Variants in KANSL1 observed in about 807,000 individuals in gnomAD.
KANSL1 encodes MLL1/MLL complex subunit KANSL1.
In KANSL1, 22 loss-of-function variants were observed where a neutral mutation model predicts 103.6. That is an observed-to-expected ratio of 0.21 (90% CI 0.15 to 0.30). The LOEUF is 0.30. Among genes scored for constraint, KANSL1 ranks in the 10% least tolerant of loss-of-function variants. The pLI, the probability that KANSL1 is intolerant of heterozygous loss-of-function variation, is 1.00. For synonymous variants in KANSL1, 600 were observed against 527.6 expected (o/e 1.14, Z -1.88); for missense variants, 1,337 against 1,399.8 (o/e 0.96, Z 0.72).
chr17:46,158,591 A>C (rs952341629), intron 2 of KANSL1, among the ~76,000 whole-genome samples: 17 of 152,248 alleles, frequency 1.1e-4, no homozygotes, highest in Admixed American at 5.2e-4. Context: ...CCCAGGCTGG[A>C]GTGCAGTGGA....
At chr17:46,142,465 T>G (rs1819040) in intron 2 of KANSL1, among the ~76,000 whole-genome samples, 5 of 151,388 alleles carry the variant, frequency 3.3e-5, no homozygotes, top group Admixed American at 3.3e-4. Flanking sequence ...GAAAAAAAAA[T>G]TTTTTAATAA....
intron 2 of KANSL1, among the ~76,000 whole-genome samples, chr17:46,152,216 A>G (rs2045145487): frequency 6.6e-6 from 1 of 152,262 alleles, no homozygotes; most frequent in Admixed American, 6.5e-5. Context: ...ATAATTCTGT[A>G]TCATAAAAAC....
intron 3 of KANSL1, among the ~76,000 whole-genome samples, chr17:46,089,461 T>C (rs1043111679): frequency 4.8e-5 from 7 of 145,938 alleles, no homozygotes; most frequent in Non-Finnish European, 1.1e-4. Context: ...ACAAAGTAAA[T>C]CCTTAAAAAG....
chr17:46,154,743 T>C (rs1031459887), intron 2 of KANSL1, among the ~76,000 whole-genome samples: 2 of 152,156 alleles, frequency 1.3e-5, no homozygotes, highest in African/African-American at 4.8e-5. Context: ...GACAAAGAAA[T>C]GAGAGGGTGT....
At chr17:46,092,536 T>C (rs896504218) in intron 3 of KANSL1, among the ~76,000 whole-genome samples, 1 of 152,178 alleles carries the variant, frequency 6.6e-6, no homozygotes, top group African/African-American at 2.4e-5. Flanking sequence ...ACTTAAATAG[T>C]CAACAAAGAA....
At chr17:46,217,160 A>G (rs1389781994) in intron 1 of KANSL1, among the ~76,000 whole-genome samples, 1 of 150,916 alleles carries the variant, frequency 6.6e-6, no homozygotes, top group Non-Finnish European at 1.5e-5. Context: ...AACATTCAGT[A>G]CCTCAGAATG....
chr17:46,058,737 ACACACACTCTCTCTCTCTCTCTCT>A lies in KANSL1; in HGVS notation c.1848+7776_1848+7799del, dbSNP rs1438027500. 7.7e-3 allele frequency among the ~76,000 whole-genome samples: 560 copies of A among 72,300 alleles called. 3 individuals are homozygous for A. The highest frequency in any genetic ancestry group is 0.018 in the African/African-American group (388 of 21,530). 47.4% of individuals were successfully genotyped at this position (72,300 alleles called of 152,430 possible). A position where few individuals can be genotyped will look rare whatever the true frequency, so the allele number is the denominator to read the frequency against. The stretch of plus-strand genomic sequence containing the variant: ...CACACACACACACACACACACACAC[ACACACACTCTCTCTCTCTCTCTCT>A]CTCTCTCTCTCTCTCTCTCTCTCTC... On this transcript the variant is annotated intron_variant, in intron 6 of 14. Transcript: ENST00000432791.
intron 2 of KANSL1, among the ~76,000 whole-genome samples, chr17:46,096,091 C>T (rs1247677663): frequency 1.3e-5 from 2 of 150,318 alleles, no homozygotes; most frequent in Non-Finnish European, 2.9e-5. Flanking sequence ...TTTGAAAATA[C>T]TTAGCGAGGT....
At chr17:46,122,372 G>A (rs1450348078) in intron 2 of KANSL1, among the ~76,000 whole-genome samples, 1 of 152,204 alleles carries the variant, frequency 6.6e-6, no homozygotes, top group Non-Finnish European at 1.5e-5. Flanking sequence ...TAGGACACAA[G>A]CATATTTAGG....
At chr17:46,043,375 A>G (rs1184711423) in intron 7 of KANSL1, 1 of 152,188 alleles carries the variant, frequency 6.6e-6, no homozygotes. Context: ...AGAAACAAGT[A>G]GGCCTGGATT....
In KANSL1 at chr17:46,172,101, C is replaced by T; in HGVS notation, c.43G>A (p.Ala15Thr). The T allele has an allele frequency of 6.2e-7, 1 of 1,611,400 alleles. No individual in the cohort carries two copies. Among genetic ancestry groups the T allele is most frequent in the Non-Finnish European group, 8.5e-7 (1 of 1,180,040 alleles). The change falls in exon 2 of 15, where the codon GCA (alanine) becomes ACA (threonine). Residue 15 changes from alanine to threonine, a missense_variant. Around this residue, in one of 2 missense-constraint regions of KANSL1, gnomAD observed 557 missense variants for 476.4 expected, o/e 1.17. Coordinates refer to ENST00000432791, the MANE Select transcript of KANSL1 (RefSeq NM_015443.4). ...APALTDAAAE[A>T]HHIRFKLAPP... ...GCCAGTTTGAACCGGATATGGTGTG[C>T]TTCAGCTGCTGCGTCAGTGAGAGCG...
At chr17:46,214,577 C>T (rs776013611) in intron 1 of KANSL1, among the ~76,000 whole-genome samples, 15 of 152,232 alleles carry the variant, frequency 9.9e-5, no homozygotes, top group Non-Finnish European at 2.1e-4. Flanking sequence ...TCACTTCAAC[C>T]TGGGAGGCAG....
intron 1 of KANSL1, among the ~76,000 whole-genome samples, chr17:46,199,151 T>C (rs1226798673): frequency 7.2e-5 from 11 of 152,242 alleles, no homozygotes; most frequent in Non-Finnish European, 1.3e-4. Context: ...CCACATTTTA[T>C]TAGTGTGAAA....
chr17:46,212,756 C>A (rs996088142), intron 1 of KANSL1, among the ~76,000 whole-genome samples: 3 of 152,052 alleles, frequency 2.0e-5, no homozygotes, highest in Non-Finnish European at 4.4e-5. Flanking sequence ...TTAATTTTGC[C>A]AATATATGTT....
At chr17:46,154,682 A>C (rs994106803) in intron 2 of KANSL1, among the ~76,000 whole-genome samples, 1 of 152,236 alleles carries the variant, frequency 6.6e-6, no homozygotes, top group Admixed American at 6.5e-5. Context: ...CAAAGCCTTA[A>C]ACAGTACCAG....
intron 3 of KANSL1, among the ~76,000 whole-genome samples, chr17:46,089,359 T>C (rs2079289003): frequency 6.6e-6 from 1 of 152,046 alleles, no homozygotes; most frequent in Non-Finnish European, 1.5e-5. Context: ...CAGAAACTGG[T>C]GTCTGGATCC....
At position 46,172,302 on chromosome 17, in the gene KANSL1, A is replaced by T. The variant is rs1014739461; in HGVS notation, c.-89-70T>A. On this transcript the variant is annotated intron_variant, in intron 1 of 14. Coordinates refer to ENST00000432791, the MANE Select transcript of KANSL1 (RefSeq NM_015443.4). ...TAAAAACATGTATATTTTTAACAAA[A>T]GCACTACTTGAGGCTGTTGTCTAAA... The T allele has an allele frequency of 7.7e-6, 6 of 777,536 alleles. No homozygotes were observed. In the Admixed American group the frequency reaches 1.9e-4, roughly 24 times the overall value. The allele number at this position is 777,536 out of a possible 1,614,324, so 48.2% of individuals were successfully genotyped here.
At chr17:46,071,333 C>T (rs2078571044) in intron 4 of KANSL1, among the ~76,000 whole-genome samples, 3 of 152,180 alleles carry the variant, frequency 2.0e-5, no homozygotes, top group Admixed American at 2.0e-4. Context: ...CAGGAAGGAT[C>T]TACTTAAGAT....
chr17:46,038,504 G>A (rs1367479588), intron 10 of KANSL1, 34 bp downstream of exon 10: 2 of 1,609,336 alleles, frequency 1.2e-6, no homozygotes, highest in African/African-American at 2.7e-5. Flanking sequence ...GACCTGCAGA[G>A]GGGGTGTCCG....
Sources: allele counts gnomAD v4.1 joint callset (sites outside exome capture counted in the v4.1 genomes callset), GRCh38; gene constraint gnomAD v4.1.1; regional missense constraint gnomAD v4.1.1; transcripts MANE v1.5; gene names NCBI Gene and HGNC (gene_info 2026-07-23, HGNC 2026-07-21).